Variants in BCAS3 observed in about 807,000 individuals in gnomAD.
The protein encoded by BCAS3 is BCAS4/BCAS3 fusion.
Under a neutral mutation model 116.1 loss-of-function variants are expected in BCAS3, and 53 were observed. The observed-to-expected ratio is 0.46, with a 90% confidence interval of 0.37 to 0.57. The LOEUF (loss-of-function observed/expected upper bound fraction) is 0.57, where lower values mean the gene tolerates loss of function less well. Among genes scored for constraint, BCAS3 ranks in the 20% least tolerant of loss-of-function variants. The probability of loss-of-function intolerance (pLI) is 0.00; values close to 1 mark genes in which losing one functional copy is unlikely to be tolerated. For missense variants in BCAS3, 917 were observed against 1,165.4 expected (o/e 0.79, Z 3.10); for synonymous variants, 391 against 408.2 (o/e 0.96, Z 0.51).
chr17:60,936,155 A>C (rs887309675), intron 13 of BCAS3, among the ~76,000 whole-genome samples: 2 of 151,660 alleles, frequency 1.3e-5, no homozygotes, highest in Non-Finnish European at 2.9e-5. Flanking sequence ...GATGGTTTCC[A>C]GCTTCATCCA....
chr17:60,735,516 C>T (rs112274548), intron 5 of BCAS3, among the ~76,000 whole-genome samples: 5,107 of 152,076 alleles, frequency 0.034, 238 homozygotes, highest in African/African-American at 0.1. Flanking sequence ...TGCAGTGGCA[C>T]GATCTCAGCT....
chr17:60,924,696 G>A (rs537708744), intron 13 of BCAS3, among the ~76,000 whole-genome samples, 196 bp downstream of exon 13: 4 of 151,882 alleles, frequency 2.6e-5, no homozygotes, highest in Admixed American at 6.6e-5. Context: ...CTCTAAAATT[G>A]GTTTTGTTCT....
At chr17:60,703,510 T>C (rs897027368) in intron 4 of BCAS3, among the ~76,000 whole-genome samples, 1 of 151,568 alleles carries the variant, frequency 6.6e-6, no homozygotes, top group African/African-American at 2.4e-5. Context: ...TGCAGTGAGC[T>C]GAGATAGCAC....
rs1430517091 is a variant in BCAS3, at chr17:61,068,233, T to C, written c.2030-6687T>C. Among the ~76,000 whole-genome samples the C allele has an allele frequency of 6.6e-6, 1 of 152,206 alleles. No individual in the cohort carries two copies. Among genetic ancestry groups the C allele is most frequent in the Non-Finnish European group, 1.5e-5 (1 of 68,032 alleles). ...TAACTTTATTTTTCTTTAAATAAAC[T>C]CTATTAAGTTTTTTTTAGTACCTCC... is the stretch of plus-strand genomic sequence containing the variant. On this transcript the variant is annotated intron_variant, in intron 19 of 23. Transcript: ENST00000407086. The surrounding 1 kb of genome is among the most constrained non-coding windows in gnomAD (Gnocchi z 4.3).
chr17:60,793,370 C>G (rs991173457), intron 6 of BCAS3, among the ~76,000 whole-genome samples: 7 of 152,196 alleles, frequency 4.6e-5, no homozygotes, highest in African/African-American at 1.4e-4. Context: ...GCTGGGATTA[C>G]AGGTGTGAGC....
Position 61,367,195 on chromosome 17 carries a change from G to A in BCAS3, c.2426-1132G>A, listed in dbSNP as rs911948266. ...TCGTGTACTTTTAACTTTGGGAAAC[G>A]TTGGCATTTGCATTTTTTCCCCATC... is the stretch of plus-strand genomic sequence containing the variant. On this transcript the variant is annotated intron_variant, in intron 22 of 23. Transcript: ENST00000407086. This position sits in a 1 kb window ranked among gnomAD's most constrained non-coding sequence, Gnocchi z 6.2. 3.3e-5 allele frequency among the ~76,000 whole-genome samples: 5 copies of A among 152,190 alleles called. No homozygotes were observed. The highest frequency in any genetic ancestry group is 2.6e-4 in the Admixed American group (4 of 15,278).
chr17:60,775,075 T>A (rs1253008288), intron 6 of BCAS3, among the ~76,000 whole-genome samples: 1 of 152,166 alleles, frequency 6.6e-6, no homozygotes, highest in Non-Finnish European at 1.5e-5. Flanking sequence ...AAGAAAAAAA[T>A]AAATTTCAAA....
chr17:61,298,160 TCA>T (rs1322696430), intron 22 of BCAS3, among the ~76,000 whole-genome samples: 1 of 152,190 alleles, frequency 6.6e-6, no homozygotes, highest in Non-Finnish European at 1.5e-5. Context: ...GCCACGAGTC[TCA>T]CTTAGAATGG....
intron 7 of BCAS3, among the ~76,000 whole-genome samples, chr17:60,822,972 A>G (rs1598954152): frequency 6.6e-6 from 1 of 152,228 alleles, no homozygotes; most frequent in South Asian, 2.1e-4. Context: ...GAAGTAGAAA[A>G]TAGCTATATG....
Position 60,855,269 on chromosome 17 carries a change from T to TG in BCAS3, c.477-13307_477-13306insG, listed in dbSNP as rs1014572355. On this transcript the variant is annotated intron_variant, in intron 7 of 23. Coordinates refer to ENST00000407086, the MANE Select transcript of BCAS3 (RefSeq NM_017679.5). ...AGAGAGTTTTTTGTTTTGTTGTTGT[T>TG]TTTTTTTTTTAGTCTACCTACCTTC... Among the ~76,000 whole-genome samples, 46 of 147,522 alleles carry TG rather than the reference T, an allele frequency of 3.1e-4. No individual in the cohort carries two copies. The South Asian group carries it at 5.6e-3, about 18-fold the overall frequency.
chr17:61,074,665 A>G (rs2071780651), intron 19 of BCAS3, among the ~76,000 whole-genome samples: 1 of 152,210 alleles, frequency 6.6e-6, no homozygotes, highest in African/African-American at 2.4e-5. Context: ...TTTTGCTATT[A>G]GCATATGTAG....
intron 6 of BCAS3, among the ~76,000 whole-genome samples, chr17:60,752,669 T>C (rs7211975): frequency 0.82 from 125,257 of 151,868 alleles, 52,920 homozygotes; most frequent in South Asian, 0.99. Flanking sequence ...GTGATCCGCC[T>C]GCCTCGGCCT....
At chr17:60,825,552 A>C (rs961066363) in intron 7 of BCAS3, among the ~76,000 whole-genome samples, 9 of 141,156 alleles carry the variant, frequency 6.4e-5, no homozygotes, top group African/African-American at 2.6e-5. Context: ...ATAATTATTT[A>C]TAATAATTTA....
At chr17:60,727,501 C>A in intron 5 of BCAS3, 1 of 1,482,530 alleles carries the variant, frequency 6.7e-7, no homozygotes, top group Non-Finnish European at 9.0e-7. Context: ...CAGGGCTGTT[C>A]CGTCTATGTG....
intron 6 of BCAS3, among the ~76,000 whole-genome samples, chr17:60,751,364 C>A (rs1427786537): frequency 2.0e-5 from 3 of 152,062 alleles, no homozygotes; most frequent in African/African-American, 4.8e-5. Context: ...ATCTGTCCTT[C>A]CAGAACTTAA....
Position 60,747,257 on chromosome 17 carries a change from A to T in BCAS3, c.381A>T (p.Arg127Ser). 1.9e-6 allele frequency: 3 copies of T among 1,613,154 alleles called. No individual in the cohort carries two copies. The highest frequency in any genetic ancestry group is 2.5e-6 in the Non-Finnish European group (3 of 1,179,182). Reference protein sequence around the residue: ...SVRHGPIRAARILPAPQFGAQ... With the variant: ...SVRHGPIRAASILPAPQFGAQ... ...GACATGGCCCAATTCGAGCGGCTAG[A>T]ATCTTGCCTGCTCCACAGTTTGGTG... is the stretch of plus-strand genomic sequence containing the variant. Residue 127 changes from arginine to serine, a missense_variant, in exon 6 of 24, where the codon AGA (arginine) becomes AGT (serine). This residue lies in a region of BCAS3 where 807 missense variants were observed against 1,026.0 expected (regional missense o/e 0.79). Coordinates refer to ENST00000407086, the MANE Select transcript of BCAS3 (RefSeq NM_017679.5).
rs1211591327 is a variant in BCAS3 at position 61,084,940 on chromosome 17, C to G, written c.2425+376C>G. ...CCTGTTGAGTATCAAAGTGCCTAAT[C>G]TGTGGGAGTAGAGAGGAGACAGTCC... On this transcript the variant is annotated intron_variant, in intron 22 of 23. Coordinates refer to ENST00000407086, the MANE Select transcript of BCAS3 (RefSeq NM_017679.5). This position sits in a 1 kb window ranked among gnomAD's most constrained non-coding sequence, Gnocchi z 5.5. Among the ~76,000 whole-genome samples, 9 of 152,148 alleles carry G rather than the reference C, an allele frequency of 5.9e-5. No individual in the cohort carries two copies. The highest frequency in any genetic ancestry group is 1.5e-5 in the Non-Finnish European group (1 of 68,024).
intron 19 of BCAS3, among the ~76,000 whole-genome samples, chr17:61,046,057 T>G (rs1268181002): frequency 5.2e-5 from 1 of 19,090 alleles, no homozygotes; most frequent in Non-Finnish European, 7.0e-5. Flanking sequence ...AATATATATA[T>G]TATATATATA....
intron 4 of BCAS3, among the ~76,000 whole-genome samples, chr17:60,707,245 C>T (rs748028314): frequency 1.3e-4 from 19 of 151,806 alleles, no homozygotes; most frequent in Admixed American, 3.3e-4. Context: ...TGCCTGTCTC[C>T]GCCTCCCAAA....
Sources: gnomAD v4.1 joint callset for allele counts (sites outside exome capture counted in the v4.1 genomes callset) on GRCh38, gnomAD v4.1.1 for gene constraint, gnomAD v4.1.1 regional missense constraint, Gnocchi (gnomAD v3.1) non-coding constraint, MANE v1.5 for transcripts, NCBI Gene and HGNC (gene_info 2026-07-23, HGNC 2026-07-21) for gene names.